The following PCDH15 variants were observed in gnomAD, a reference collection of about 807,000 sequenced individuals.
PCDH15 encodes the protein protocadherin-15.
PCDH15 carries 129 observed loss-of-function variants against 178.5 expected under a neutral mutation model. The ratio of observed to expected loss-of-function variants is 0.72; its 90% confidence interval spans 0.63 to 0.84. PCDH15 has a LOEUF of 0.84. Among genes scored for constraint, PCDH15 ranks in the 40% least tolerant of loss-of-function variants. The pLI, the probability that PCDH15 is intolerant of heterozygous loss-of-function variation, is 0.00. For missense variants in PCDH15, 2,230 were observed against 2,099.9 expected, an observed-to-expected ratio of 1.06 and a Z score of -1.21; for synonymous variants, 800 against 732.0, an observed-to-expected ratio of 1.09 and a Z score of -1.50.
intron 8 of PCDH15, among the ~76,000 whole-genome samples, chr10:54,287,995 C>T (rs2384437): frequency 0.52 from 79,475 of 151,850 alleles, 21,690 homozygotes; most frequent in African/African-American, 0.63. Context: ...TTACAATAAC[C>T]TTTTGGAATA....
At chr10:54,918,573 C>G (rs1247590120) in intron 2 of PCDH15, among the ~76,000 whole-genome samples, 1 of 152,132 alleles carries the variant, frequency 6.6e-6, no homozygotes, top group African/African-American at 2.4e-5. Flanking sequence ...ATGAAAACTT[C>G]AGTTTCCTGA....
chr10:55,500,182 A>G, intron 2 of PCDH15, among the ~76,000 whole-genome samples: 1 of 151,736 alleles, frequency 6.6e-6, no homozygotes, highest in Non-Finnish European at 1.5e-5. Flanking sequence ...ATGACTAAGG[A>G]AACAGGTATC....
intron 26 of PCDH15, among the ~76,000 whole-genome samples, chr10:53,879,738 G>T (rs2080554730): frequency 6.6e-6 from 1 of 152,168 alleles, no homozygotes; most frequent in Non-Finnish European, 1.5e-5. Flanking sequence ...TCGAGTACCA[G>T]GGACTACAGG....
intron 9 of PCDH15, among the ~76,000 whole-genome samples, chr10:54,229,248 G>C (rs545517587): frequency 3.1e-4 from 47 of 152,188 alleles, no homozygotes; most frequent in Admixed American, 6.5e-4. Context: ...CAATTTTGAT[G>C]TAATTAATAC....
chr10:54,930,271 T>A (rs926951204), intron 2 of PCDH15, among the ~76,000 whole-genome samples: 11 of 152,146 alleles, frequency 7.2e-5, no homozygotes, highest in Non-Finnish European at 1.5e-4. Flanking sequence ...GTACAACCAA[T>A]CTTTGAGACC....
At chr10:54,009,438 A>G (rs879575909) in intron 20 of PCDH15, among the ~76,000 whole-genome samples, 3 of 152,162 alleles carry the variant, frequency 2.0e-5, no homozygotes, top group Admixed American at 6.5e-5. Context: ...CAGTATCCAT[A>G]GAAGAAATGG....
chr10:55,149,875 A>G (rs1838649287), intron 2 of PCDH15, among the ~76,000 whole-genome samples: 1 of 152,058 alleles, frequency 6.6e-6, no homozygotes, highest in Admixed American at 6.6e-5. Context: ...ATTATGGTCA[A>G]GAGAATGGTA....
chr10:55,521,847 T>C (rs1180210448), intron 2 of PCDH15, among the ~76,000 whole-genome samples: 1 of 151,966 alleles, frequency 6.6e-6, no homozygotes, highest in Admixed American at 6.6e-5. Context: ...TAAATGCAGT[T>C]GGAACACTTA....
intron 2 of PCDH15, among the ~76,000 whole-genome samples, chr10:55,536,116 T>G (rs1355531870): frequency 1.3e-5 from 2 of 152,092 alleles, no homozygotes; most frequent in Admixed American, 6.6e-5. Context: ...TCACCAATCT[T>G]TCCCAAGGTA....
At chr10:54,396,732 A>C (rs1418741082) in intron 3 of PCDH15, among the ~76,000 whole-genome samples, 2 of 152,192 alleles carry the variant, frequency 1.3e-5, no homozygotes, top group Non-Finnish European at 2.9e-5. Context: ...ATTTTGAAAT[A>C]TATTTCATGT....
chr10:55,407,997 A>G (rs187982781), intron 2 of PCDH15, among the ~76,000 whole-genome samples: 13 of 152,260 alleles, frequency 8.5e-5, no homozygotes, highest in Admixed American at 8.5e-4. Flanking sequence ...GATCTCACAG[A>G]GGCACCAAAA....
intron 2 of PCDH15, among the ~76,000 whole-genome samples, chr10:55,367,598 C>A: frequency 6.6e-6 from 1 of 151,756 alleles, no homozygotes; most frequent in East Asian, 1.9e-4. Flanking sequence ...CAAAACAAAA[C>A]AAAACAAACA....
intron 5 of PCDH15, among the ~76,000 whole-genome samples, chr10:54,361,243 A>C (rs116011253): frequency 0.016 from 2,375 of 152,190 alleles, 63 homozygotes; most frequent in African/African-American, 0.054. Flanking sequence ...CTGCATGTAC[A>C]AGTGGACCCT....
intron 2 of PCDH15, among the ~76,000 whole-genome samples, chr10:55,383,224 C>G (rs1186328910): frequency 6.6e-6 from 1 of 152,074 alleles, no homozygotes. Context: ...CAAAGTCATG[C>G]CATCTAAAGT....
At chr10:55,414,617 T>C (rs1198496468) in intron 2 of PCDH15, among the ~76,000 whole-genome samples, 1 of 151,678 alleles carries the variant, frequency 6.6e-6, no homozygotes, top group African/African-American at 2.4e-5. Context: ...AATGTATTAA[T>C]AAATATTTTA....
chr10:54,621,982 CTTTGAG>C (rs1321471772), intron 2 of PCDH15, among the ~76,000 whole-genome samples: 2 of 151,894 alleles, frequency 1.3e-5, no homozygotes, highest in Non-Finnish European at 2.9e-5. Context: ...CATTTTTAAA[CTTTGAG>C]TTAGAGTTAT....
intron 18 of PCDH15, among the ~76,000 whole-genome samples, chr10:54,027,155 CAGAG>C (rs1257098813): frequency 6.8e-6 from 1 of 147,008 alleles, no homozygotes; most frequent in Admixed American, 6.8e-5. Context: ...AACAGACAAA[CAGAG>C]AGCCAAATCA....
At chr10:54,363,431 A>G (rs1464099945) in intron 5 of PCDH15, among the ~76,000 whole-genome samples, 1 of 152,184 alleles carries the variant, frequency 6.6e-6, no homozygotes, top group Non-Finnish European at 1.5e-5. Context: ...CAGGTGAGAA[A>G]TCTGAAGTAC....
chr10:55,212,678 G>A lies in PCDH15; in HGVS notation c.-155-46027C>T, dbSNP rs999976613. ...AAGATTAAATTTGATGCTAGATTCC[G>A]GGAAGCTCTGGGTCATGTGAGTAGG... On this transcript the variant is annotated intron_variant, in intron 1 of 5. Coordinates refer to the PCDH15 transcript ENST00000458638. Among the ~76,000 whole-genome samples, 4 of 151,972 alleles carry A rather than the reference G, an allele frequency of 2.6e-5. No individual in the cohort carries two copies. The South Asian group carries it at 6.2e-4, about 24-fold the overall frequency.
Sources: allele counts gnomAD v4.1 joint callset (sites outside exome capture counted in the v4.1 genomes callset), GRCh38; gene constraint gnomAD v4.1.1; transcripts MANE v1.5; gene names NCBI Gene and HGNC (gene_info 2026-07-23, HGNC 2026-07-21).